ATM: variants seen among roughly 807,000 people sequenced by gnomAD.
ATM encodes ATM serine/threonine kinase.
ATM carries 308 observed loss-of-function variants against 387.0 expected under a neutral mutation model. The ratio of observed to expected loss-of-function variants is 0.80; its 90% confidence interval spans 0.73 to 0.87. The LOEUF (loss-of-function observed/expected upper bound fraction) is 0.87. ATM is among the 40% of genes least tolerant of loss of function. The pLI, the probability that ATM is intolerant of heterozygous loss-of-function variation, is 0.00. For missense variants in ATM, 3,312 were observed against 3,560.9 expected, an observed-to-expected ratio of 0.93 and a Z score of 1.78; for synonymous variants, 1,156 against 1,187.3, an observed-to-expected ratio of 0.97 and a Z score of 0.54.
chr11:108,262,220 G>C (rs947054664), intron 16 of ATM, among the ~76,000 whole-genome samples: 1 of 152,198 alleles, frequency 6.6e-6, no homozygotes, highest in Non-Finnish European at 1.5e-5. Flanking sequence ...AACATGTTAA[G>C]GGCAGCCAGA....
Position 108,366,561 on chromosome 11 carries a change from G to A in ATM, c.*1053G>A. 4.4e-6 allele frequency: 1 copy of A among 229,668 alleles called. No individual in the cohort carries two copies. 14.2% of individuals were successfully genotyped at this position (229,668 alleles called of 1,614,324 possible). On this transcript the variant is annotated 3_prime_UTR_variant, in exon 63 of 63. Transcript: ENST00000675843. ...TTTTTGAAAAGTGAGTTTATTTTCAGCAAGGCTTTATCTATGGGAATCTTG... is the reference window on the plus strand; with the variant it reads ...TTTTTGAAAAGTGAGTTTATTTTCAACAAGGCTTTATCTATGGGAATCTTG...
chr11:108,250,063 G>C (rs552945276), intron 9 of ATM, among the ~76,000 whole-genome samples: 1 of 151,692 alleles, frequency 6.6e-6, no homozygotes, highest in Non-Finnish European at 1.5e-5. Flanking sequence ...GGGTTTCTTT[G>C]TTTTCCTGTT....
At chr11:108,318,958 A>G (rs1236333790) in intron 43 of ATM, among the ~76,000 whole-genome samples, 1 of 152,016 alleles carries the variant, frequency 6.6e-6, no homozygotes, top group Admixed American at 6.6e-5. Flanking sequence ...GGTGGATCAC[A>G]TGAGGTTAGG....
Position 108,331,976 on chromosome 11 carries a change from A to G in ATM, c.7727A>G (p.Glu2576Gly), listed in dbSNP as rs1202657573. 1 of 1,613,954 alleles carries G rather than the reference A, an allele frequency of 6.2e-7. No homozygotes were observed. The highest frequency in any genetic ancestry group is 1.7e-5 in the Admixed American group (1 of 59,996). The change falls in exon 52 of 63, where the codon GAG becomes GGG. Residue 2576 changes from glutamate (E) to glycine (G), a missense_variant. Coordinates refer to ENST00000675843, the MANE Select transcript of ATM (RefSeq NM_000051.4). ...AGAGATGAATTTCTGACTAAACCAG[A>G]GGTAGCCAGAAGAAGCAGAATAACT... ...ANRDEFLTKP[E>G]VARRSRITKN...
rs2136119917 is a variant in ATM, at chr11:108,315,870, G to C, written c.6054G>C (p.Leu2018Phe). 6.2e-7 allele frequency: 1 copy of C among 1,613,340 alleles called. No homozygotes were observed. Reference protein sequence around the residue: ...IYRSIGEPDSLYGCGGGKMLQ... With the variant: ...IYRSIGEPDSFYGCGGGKMLQ... ...GAAGTATAGGGGAGCCAGATAGTTT[G>C]TATGGCTGTGGTGGAGGGAAGATGT... is the stretch of plus-strand genomic sequence containing the variant. The change falls in exon 41 of 63, where the codon TTG becomes TTC. Residue 2018 changes from leucine (L) to phenylalanine (F), a missense_variant. Around this residue, in one of 4 missense-constraint regions of ATM, gnomAD observed 1,405 missense variants for 1,604.4 expected, o/e 0.88. Transcript: ENST00000675843.
chr11:108,340,861 A>AGT (rs1041331811), intron 56 of ATM, among the ~76,000 whole-genome samples: 15 of 152,296 alleles, frequency 9.8e-5, no homozygotes, highest in Non-Finnish European at 1.9e-4. Context: ...TACCTTATAT[A>AGT]GTGTAAATGC....
At chr11:108,298,535 A>G (rs2083242926) in intron 33 of ATM, among the ~76,000 whole-genome samples, 1 of 152,164 alleles carries the variant, frequency 6.6e-6, no homozygotes, top group Admixed American at 6.6e-5. Context: ...GCTTTTATGG[A>G]CAGACCTGAT....
chr11:108,272,040 T>G (rs1030890185), intron 20 of ATM, among the ~76,000 whole-genome samples: 1 of 152,086 alleles, frequency 6.6e-6, no homozygotes, highest in Admixed American at 6.6e-5. Flanking sequence ...GCCTGGCTAA[T>G]TTTTTTGTAT....
Position 108,244,822 on chromosome 11 carries a change from T to G in ATM, c.697T>G (p.Leu233Val). The change falls in exon 7 of 63, where the codon TTA becomes GTA. Residue 233 changes from leucine (L) to valine (V), a missense_variant. Leu to Val is a conservative substitution (Grantham distance 32). Coordinates refer to ENST00000675843, the MANE Select transcript of ATM (RefSeq NM_000051.4). ...GAGCTCTTCAGGTCTAAATCATATC[T>G]TAGCAGCTCTTACTATCTTCCTCAA... ...EKSSSGLNHI[L>V]AALTIFLKTL... is the part of the protein sequence containing the mutation. 1 of 1,613,892 alleles carries G rather than the reference T, an allele frequency of 6.2e-7. No individual in the cohort carries two copies.
At chr11:108,268,794 T>C (rs2081410821) in intron 18 of ATM, among the ~76,000 whole-genome samples, 185 bp downstream of exon 18, 1 of 152,260 alleles carries the variant, frequency 6.6e-6, no homozygotes, top group East Asian at 1.9e-4. Flanking sequence ...AAGTGGATGC[T>C]GAAATATTAA....
In ATM at chr11:108,369,004, T is replaced by C. The variant is rs777082747; in HGVS notation, c.*3496T>C. The C allele has an allele frequency of 4.9e-5, 9 of 182,564 alleles. No homozygotes were observed. Among genetic ancestry groups the C allele is most frequent in the Admixed American group, 4.4e-4 (7 of 16,002 alleles). The allele number at this position is 182,564 out of a possible 1,614,324, so 11.3% of individuals were successfully genotyped here. On this transcript the variant is annotated 3_prime_UTR_variant, in exon 63 of 63. Coordinates refer to ENST00000675843, the MANE Select transcript of ATM (RefSeq NM_000051.4). ...TATTTTAATTGCACCTTAATGAAATTATCTATTTTCTATAGATTTTAGTAC... is the reference window on the plus strand; with the variant it reads ...TATTTTAATTGCACCTTAATGAAATCATCTATTTTCTATAGATTTTAGTAC...
At chr11:108,330,446 C>G (rs2136467037) in intron 50 of ATM, 25 bp downstream of exon 50, 1 of 1,610,592 alleles carries the variant, frequency 6.2e-7, no homozygotes, top group Non-Finnish European at 8.5e-7. Flanking sequence ...GCCCAATATT[C>G]TACCCTGTGC....
In ATM at chr11:108,271,065, A is replaced by G. The variant is rs587779827; in HGVS notation, c.2840A>G (p.Tyr947Cys). 6.2e-7 allele frequency: 1 copy of G among 1,613,372 alleles called. No individual in the cohort carries two copies. Among genetic ancestry groups the G allele is most frequent in the African/African-American group, 1.3e-5 (1 of 75,024 alleles). ...TTTTTTTCCCTCCTACCATCTTAGT[A>G]TCTAATGCTTTTAAAGGAGCTTCCT... is the stretch of plus-strand genomic sequence containing the variant. ...EPTKSLHLHM[Y>C]LMLLKELPGE... The change falls in exon 19 of 63, where the codon TAT becomes TGT. Residue 947 changes from tyrosine to cysteine, a missense_variant and splice_region_variant. Around this residue, in one of 4 missense-constraint regions of ATM, gnomAD observed 1,791 missense variants for 1,804.5 expected, o/e 0.99. Transcript: ENST00000675843.
In ATM at chr11:108,316,008, T is replaced by C. The variant is rs748380897; in HGVS notation, c.6096-3T>C. On this transcript the variant is annotated splice_region_variant and splice_polypyrimidine_tract_variant and intron_variant, in intron 41 of 62. Transcript: ENST00000675843. ...AAGCTATTTTCACAATCTTTTCTTA[T>C]AGACTACGAACATATGAACACGAAG... is the stretch of plus-strand genomic sequence containing the variant. 7 of 1,613,958 alleles carry C rather than the reference T, an allele frequency of 4.3e-6. No individual in the cohort carries two copies. Among genetic ancestry groups the C allele is most frequent in the East Asian group, 2.2e-5 (1 of 44,862 alleles).
At chr11:108,265,667 A>C (rs1422474784) in intron 16 of ATM, among the ~76,000 whole-genome samples, 1 of 148,278 alleles carries the variant, frequency 6.7e-6, no homozygotes, top group Admixed American at 6.8e-5. Flanking sequence ...TCTGCACAGC[A>C]AAAGAAACTA....
At chr11:108,235,337 C>A (rs543289046) in intron 4 of ATM, among the ~76,000 whole-genome samples, 2 of 151,698 alleles carry the variant, frequency 1.3e-5, no homozygotes, top group African/African-American at 4.8e-5. Context: ...CTATATATTC[C>A]TATAAAAGAG....
rs878853488 is a variant in ATM, at chr11:108,251,933, A to C, written c.1704A>C (p.Arg568Ser). 4 of 1,613,904 alleles carry C rather than the reference A, an allele frequency of 2.5e-6. No homozygotes were observed. Among genetic ancestry groups the C allele is most frequent in the Non-Finnish European group, 3.4e-6 (4 of 1,179,792 alleles). ...GIEQNMCEVN[R>S]SFSLKESIMK... ...AGCAAAATATGTGTGAAGTAAATAG[A>C]AGCTTTTCTTTAAAGGAATCAATAA... is the stretch of plus-strand genomic sequence containing the variant. The change falls in exon 11 of 63, where the codon AGA becomes AGC. Residue 568 changes from arginine (R) to serine (S), a missense_variant. By Grantham distance (110) the Arg-to-Ser change is moderately radical (BLOSUM62 -1). Around this residue, in one of 4 missense-constraint regions of ATM, gnomAD observed 1,791 missense variants for 1,804.5 expected, o/e 0.99. Transcript: ENST00000675843.
rs3017874 is a variant in ATM, at chr11:108,231,775, G to T, written c.331+2452G>T. Among the ~76,000 whole-genome samples the T allele has an allele frequency of 2.4e-3, 360 of 150,588 alleles. 1 individual carries two copies. Among genetic ancestry groups the T allele is most frequent in the African/African-American group, 8.3e-3 (343 of 41,128 alleles). On this transcript the variant is annotated intron_variant, in intron 4 of 62. Transcript: ENST00000675843. ...TTTAGTAGAAGTATGCAGATTATTAGTGAATATTTCAGATTGGTGGTATGA... is the reference window on the plus strand; with the variant it reads ...TTTAGTAGAAGTATGCAGATTATTATTGAATATTTCAGATTGGTGGTATGA...
In ATM at chr11:108,365,716, A is replaced by G. The variant is rs773042897; in HGVS notation, c.*208A>G. On this transcript the variant is annotated 3_prime_UTR_variant, in exon 63 of 63. Coordinates refer to ENST00000675843, the MANE Select transcript of ATM (RefSeq NM_000051.4). ...GAACATCTCTGCTTTCACTCTTTAG[A>G]AATAATGGTCATTCGGGCTGGGCGC... is the stretch of plus-strand genomic sequence containing the variant. 1.5e-6 allele frequency: 1 copy of G among 684,096 alleles called. No individual in the cohort carries two copies. The highest frequency in any genetic ancestry group is 2.4e-6 in the Non-Finnish European group (1 of 421,354). The allele number at this position is 684,096 out of a possible 1,614,324, so 42.4% of individuals were successfully genotyped here. A position where few individuals can be genotyped will look rare whatever the true frequency, so the allele number is the denominator to read the frequency against.
Sources: allele counts gnomAD v4.1 joint callset (sites outside exome capture counted in the v4.1 genomes callset), GRCh38; gene constraint gnomAD v4.1.1; regional missense constraint gnomAD v4.1.1; transcripts MANE v1.5; gene names NCBI Gene and HGNC (gene_info 2026-07-23, HGNC 2026-07-21).